Variants in KCNH7 observed in about 807,000 individuals in gnomAD.
KCNH7 encodes potassium voltage-gated channel subfamily H member 7.
In KCNH7, 49 loss-of-function variants were observed where a neutral mutation model predicts 120.8. The ratio of observed to expected loss-of-function variants is 0.41; its 90% CI spans 0.32 to 0.51. The LOEUF (loss-of-function observed/expected upper bound fraction) is 0.51. KCNH7 is among the 20% of genes least tolerant of loss of function. The pLI is 0.38. For synonymous variants in KCNH7, 547 were observed against 516.1 expected (o/e 1.06, Z -0.81); for missense variants, 1,097 against 1,446.6 (o/e 0.76, Z 3.92).
intron 2 of KCNH7, among the ~76,000 whole-genome samples, chr2:162,817,725 G>C (rs1311293395): frequency 2.0e-5 from 3 of 152,050 alleles, no homozygotes; most frequent in African/African-American, 7.2e-5. Flanking sequence ...AACATTTGGT[G>C]TTCTCAGTCT....
intron 2 of KCNH7, among the ~76,000 whole-genome samples, chr2:162,581,627 C>T (rs796872641): frequency 1.3e-4 from 19 of 151,982 alleles, no homozygotes; most frequent in African/African-American, 4.3e-4. Context: ...TATTTAAATG[C>T]AGATTTTCTT....
intron 2 of KCNH7, among the ~76,000 whole-genome samples, chr2:162,673,616 A>G (rs1685435015): frequency 6.6e-6 from 1 of 152,094 alleles, no homozygotes; most frequent in Non-Finnish European, 1.5e-5. Flanking sequence ...ACAATGTCCC[A>G]GTTAGGGGTT....
chr2:162,490,581 A>G (rs555302772), intron 6 of KCNH7, among the ~76,000 whole-genome samples: 2 of 152,190 alleles, frequency 1.3e-5, no homozygotes, highest in East Asian at 3.9e-4. Flanking sequence ...CACTTCTGAG[A>G]CTTCTAGTCC....
intron 6 of KCNH7, among the ~76,000 whole-genome samples, chr2:162,451,868 T>C (rs1288576953): frequency 6.6e-6 from 1 of 151,944 alleles, no homozygotes. Flanking sequence ...CCATATTCTA[T>C]TGGGAAAAGT....
At chr2:162,636,432 A>G (rs1683966532) in intron 2 of KCNH7, among the ~76,000 whole-genome samples, 13 of 151,838 alleles carry the variant, frequency 8.6e-5, no homozygotes, top group Admixed American at 8.5e-4. Flanking sequence ...TAGCTGTTGG[A>G]CTCTCATCGT....
chr2:162,587,386 A>G (rs1157748053), intron 2 of KCNH7, among the ~76,000 whole-genome samples: 1 of 152,132 alleles, frequency 6.6e-6, no homozygotes, highest in Non-Finnish European at 1.5e-5. Context: ...CTATGACATC[A>G]ACTCACAATA....
chr2:162,557,460 TC>T (rs1692897437), intron 2 of KCNH7, among the ~76,000 whole-genome samples: 1 of 152,186 alleles, frequency 6.6e-6, no homozygotes, highest in African/African-American at 2.4e-5. Context: ...CCACTCATAT[TC>T]AAGGACACAG....
intron 2 of KCNH7, among the ~76,000 whole-genome samples, chr2:162,636,271 T>C (rs1252733465): frequency 6.6e-6 from 1 of 152,126 alleles, no homozygotes; most frequent in African/African-American, 2.4e-5. Context: ...ATTATATGTA[T>C]CTAAAACATT....
chr2:162,469,940 C>T (rs1039001908), intron 6 of KCNH7, among the ~76,000 whole-genome samples: 9 of 152,222 alleles, frequency 5.9e-5, no homozygotes, highest in South Asian at 2.1e-4. Flanking sequence ...AGCTCCTGAC[C>T]GCGAGTGATC....
At chr2:162,561,618 T>C (rs1693068248) in intron 2 of KCNH7, among the ~76,000 whole-genome samples, 1 of 152,204 alleles carries the variant, frequency 6.6e-6, no homozygotes, top group Non-Finnish European at 1.5e-5. Context: ...ATTGTGGTTT[T>C]GATTTGGATT....
chr2:162,646,541 A>C (rs1307661601), intron 2 of KCNH7, among the ~76,000 whole-genome samples: 1 of 152,204 alleles, frequency 6.6e-6, no homozygotes, highest in Non-Finnish European at 1.5e-5. Flanking sequence ...TAAGATGAGA[A>C]GTTTATTCAA....
At chr2:162,817,435 C>T (rs770089861) in intron 2 of KCNH7, among the ~76,000 whole-genome samples, 4 of 152,166 alleles carry the variant, frequency 2.6e-5, no homozygotes, top group Non-Finnish European at 4.4e-5. Flanking sequence ...TGTCTGGCTA[C>T]ACCACAACTT....
chr2:162,695,313 T>C (rs994998512), intron 2 of KCNH7, among the ~76,000 whole-genome samples: 1 of 152,156 alleles, frequency 6.6e-6, no homozygotes, highest in African/African-American at 2.4e-5. Context: ...AACCAGTTAT[T>C]GGATTTAGGG....
At chr2:162,530,774 G>A (rs968434781) in intron 3 of KCNH7, among the ~76,000 whole-genome samples, 1 of 151,654 alleles carries the variant, frequency 6.6e-6, no homozygotes, top group Non-Finnish European at 1.5e-5. Context: ...GAAATAGCCA[G>A]TATCATTATT....
intron 2 of KCNH7, among the ~76,000 whole-genome samples, chr2:162,708,006 AT>A (rs768551819): frequency 4.7e-5 from 7 of 148,574 alleles, no homozygotes; most frequent in Non-Finnish European, 9.0e-5. Flanking sequence ...TCTACTTCCC[AT>A]TTCTCTTGCC....
intron 2 of KCNH7, among the ~76,000 whole-genome samples, chr2:162,550,887 A>G (rs1204520033): frequency 3.6e-5 from 2 of 56,322 alleles, no homozygotes; most frequent in Admixed American, 4.7e-4. Context: ...ACTAGGCTAG[A>G]TAATAATAAT....
chr2:162,376,109 G>A (rs924285923), intron 14 of KCNH7, among the ~76,000 whole-genome samples: 2 of 151,968 alleles, frequency 1.3e-5, no homozygotes, highest in African/African-American at 4.8e-5. Flanking sequence ...CCACAATGTA[G>A]CAGGCACAAT....
chr2:162,679,869 C>A (rs962087082), intron 2 of KCNH7, among the ~76,000 whole-genome samples: 1 of 151,628 alleles, frequency 6.6e-6, no homozygotes, highest in African/African-American at 2.4e-5. Context: ...TTTTGAAGAA[C>A]CTTTCTAAAA....
At chr2:162,585,092 G>T (rs1287777283) in intron 2 of KCNH7, among the ~76,000 whole-genome samples, 1 of 151,954 alleles carries the variant, frequency 6.6e-6, no homozygotes, top group African/African-American at 2.4e-5. Flanking sequence ...GCCGGCCTGG[G>T]TTCCGAGTTC....
Sources: allele counts gnomAD v4.1 joint callset (sites outside exome capture counted in the v4.1 genomes callset), GRCh38; gene constraint gnomAD v4.1.1; transcripts MANE v1.5; gene names NCBI Gene and HGNC (gene_info 2026-07-23, HGNC 2026-07-21).